The following CA10 variants were observed in gnomAD, a reference collection of about 807,000 sequenced individuals.
The protein encoded by CA10 is carbonic anhydrase 10 (inactive), also known as carbonic anhydrase-related protein 10.
Under a neutral mutation model 44.2 loss-of-function variants are expected in CA10, and 14 were observed. That is an observed-to-expected ratio of 0.32 (90% CI 0.21 to 0.50). The LOEUF (loss-of-function observed/expected upper bound fraction) is 0.50. Ranked by LOEUF, CA10 falls within the 20% of genes least tolerant of loss-of-function variation. The pLI is 0.99. For synonymous variants in CA10, 159 were observed against 141.6 expected (o/e 1.12, Z -0.87); for missense variants, 350 against 409.7 (o/e 0.85, Z 1.26).
intron 1 of CA10, among the ~76,000 whole-genome samples, chr17:52,123,038 A>G (rs891606125): frequency 1.3e-5 from 2 of 152,172 alleles, no homozygotes; most frequent in South Asian, 2.1e-4. Flanking sequence ...GAATTTGCCA[A>G]TCATATATTC....
At chr17:51,915,169 T>G (rs1981942608) in intron 3 of CA10, among the ~76,000 whole-genome samples, 1 of 152,204 alleles carries the variant, frequency 6.6e-6, no homozygotes. Flanking sequence ...AAAGGGGTCA[T>G]CTTTATGCAC....
chr17:51,632,155 G>C (rs2143197537), intron 8 of CA10, among the ~76,000 whole-genome samples: 1 of 152,302 alleles, frequency 6.6e-6, no homozygotes. Context: ...GAGTGCCATA[G>C]AGATTTTATG....
chr17:51,842,257 G>GA (rs1333994328), intron 3 of CA10, among the ~76,000 whole-genome samples: 1 of 151,858 alleles, frequency 6.6e-6, no homozygotes, highest in African/African-American at 2.4e-5. Flanking sequence ...TTTTTAAAGA[G>GA]AAAAAACAAA....
intron 2 of CA10, among the ~76,000 whole-genome samples, chr17:51,990,610 T>C (rs1292854674): frequency 6.6e-6 from 1 of 152,166 alleles, no homozygotes; most frequent in East Asian, 1.9e-4. Flanking sequence ...GTACATCAAT[T>C]AGTGATCCTC....
At chr17:51,914,204 G>A (rs938949688) in intron 3 of CA10, among the ~76,000 whole-genome samples, 1 of 152,142 alleles carries the variant, frequency 6.6e-6, no homozygotes, top group Admixed American at 6.5e-5. Flanking sequence ...AAACAGTAAG[G>A]TCTGTCCTCA....
At chr17:52,012,990 A>T (rs1156819994) in intron 2 of CA10, among the ~76,000 whole-genome samples, 2 of 152,054 alleles carry the variant, frequency 1.3e-5, no homozygotes. Flanking sequence ...GCCAAGGTGT[A>T]CATATAGACA....
At chr17:51,924,849 C>A (rs995918480) in intron 3 of CA10, among the ~76,000 whole-genome samples, 6 of 152,184 alleles carry the variant, frequency 3.9e-5, no homozygotes, top group Admixed American at 6.5e-5. Flanking sequence ...TGTTCCATGT[C>A]TCTTGCTGAG....
At chr17:51,878,646 T>C (rs1980197445) in intron 3 of CA10, among the ~76,000 whole-genome samples, 1 of 151,762 alleles carries the variant, frequency 6.6e-6, no homozygotes, top group Non-Finnish European at 1.5e-5. Flanking sequence ...CATTATCTTC[T>C]GTGATCCAGG....
chr17:51,798,098 T>C (rs1206835075), intron 3 of CA10, among the ~76,000 whole-genome samples: 1 of 152,182 alleles, frequency 6.6e-6, no homozygotes, highest in African/African-American at 2.4e-5. Flanking sequence ...GTTTTGCTCC[T>C]TCGCACAATG....
chr17:51,874,955 TTTTTCTTTTTTTTC>T (rs773043887), intron 3 of CA10, among the ~76,000 whole-genome samples: 3,288 of 82,858 alleles, frequency 0.04, 40 homozygotes, highest in East Asian at 0.11. Flanking sequence ...CTTCTGTTTT[TTTTTCTTTTTTTTC>T]TTTTCTTTTC....
chr17:51,707,671 A>ATGTGTGTGTGTGTGTGTG (rs3031847), intron 4 of CA10, among the ~76,000 whole-genome samples: 13,946 of 142,628 alleles, frequency 0.098, 795 homozygotes, highest in East Asian at 0.14. Flanking sequence ...GTGGATGAAT[A>ATGTGTGTGTGTGTGTGTG]TGTGTGTGTG....
At chr17:52,043,534 C>A (rs1160503315) in intron 2 of CA10, among the ~76,000 whole-genome samples, 1 of 151,840 alleles carries the variant, frequency 6.6e-6, no homozygotes, top group African/African-American at 2.4e-5. Context: ...TCTTCCTTTC[C>A]AATTTGAATC....
intron 3 of CA10, among the ~76,000 whole-genome samples, chr17:51,789,072 C>T (rs540997095): frequency 1.3e-3 from 194 of 152,190 alleles, no homozygotes; most frequent in Non-Finnish European, 2.3e-3. Flanking sequence ...TGCAGTGGCG[C>T]GATCTCAGCT....
chr17:52,122,138 A>C (rs1567740265), intron 1 of CA10, among the ~76,000 whole-genome samples: 1 of 152,226 alleles, frequency 6.6e-6, no homozygotes, highest in Non-Finnish European at 1.5e-5. Context: ...TGCAAAGTCA[A>C]ATTTGTATTA....
intron 3 of CA10, among the ~76,000 whole-genome samples, chr17:51,758,237 T>G (rs1905129016): frequency 6.6e-6 from 1 of 152,244 alleles, no homozygotes; most frequent in African/African-American, 2.4e-5. Flanking sequence ...CTTATTATAT[T>G]AAATCATATT....
intron 3 of CA10, among the ~76,000 whole-genome samples, chr17:51,840,810 A>C (rs1025532510): frequency 6.6e-6 from 1 of 152,220 alleles, no homozygotes; most frequent in Non-Finnish European, 1.5e-5. Flanking sequence ...AGTGAAAAAA[A>C]GTGTGGCTGT....
At chr17:51,710,082 G>A (rs575854867) in intron 4 of CA10, among the ~76,000 whole-genome samples, 112 of 152,300 alleles carry the variant, frequency 7.4e-4, no homozygotes, top group Admixed American at 1.3e-3. Context: ...CAAACAGCAC[G>A]GAGTGTACTT....
chr17:51,795,526 A>C (rs1906672824), intron 3 of CA10, among the ~76,000 whole-genome samples: 1 of 152,362 alleles, frequency 6.6e-6, no homozygotes, highest in South Asian at 2.1e-4. Flanking sequence ...TATTTGCCAC[A>C]TAGTCAACCA....
chr17:51,870,172 G>A (rs993638420), intron 3 of CA10, among the ~76,000 whole-genome samples: 1 of 152,232 alleles, frequency 6.6e-6, no homozygotes, highest in Non-Finnish European at 1.5e-5. Flanking sequence ...TTGAATCAAA[G>A]CCAGTGATAG....
Sources: gnomAD v4.1 joint callset for allele counts (sites outside exome capture counted in the v4.1 genomes callset) on GRCh38, gnomAD v4.1.1 for gene constraint, MANE v1.5 for transcripts, NCBI Gene and HGNC (gene_info 2026-07-23, HGNC 2026-07-21) for gene names.